The following MACF1 variants were observed in gnomAD, a reference collection of about 807,000 sequenced individuals.
The protein encoded by MACF1 is microtubule-actin cross-linking factor 1.
Under a neutral mutation model 854.8 loss-of-function variants are expected in MACF1, and 193 were observed. That is an observed-to-expected ratio of 0.23 (90% confidence interval 0.20 to 0.25). The LOEUF (loss-of-function observed/expected upper bound fraction) is 0.25, where lower values mean the gene tolerates loss of function less well. MACF1 is among the 10% of genes least tolerant of loss of function. The pLI, the probability that MACF1 is intolerant of heterozygous loss-of-function variation, is 1.00. For synonymous variants in MACF1, 3,185 were observed against 3,226.7 expected (o/e 0.99, Z 0.44); for missense variants, 7,722 against 8,929.1 (o/e 0.86, Z 5.45).
In MACF1 at chr1:39,305,559, T is replaced by C. The variant is rs1450702472; in HGVS notation, c.2789+2481T>C. ...ACATTTAGCTTTCTATGCACACATATATGCAAACACTTCTTCCGTTTTCCA... is the reference window on the plus strand; with the variant it reads ...ACATTTAGCTTTCTATGCACACATACATGCAAACACTTCTTCCGTTTTCCA... On this transcript the variant is annotated intron_variant, in intron 23 of 100. Coordinates refer to ENST00000564288, the MANE Select transcript of MACF1 (RefSeq NM_001394062.1). Among the ~76,000 whole-genome samples, 3 of 152,354 alleles carry C rather than the reference T, an allele frequency of 2.0e-5. No individual in the cohort carries two copies. In the East Asian group the frequency reaches 5.8e-4, roughly 29 times the overall value.
At chr1:39,419,953 C>T (rs1210548133) in intron 58 of MACF1, among the ~76,000 whole-genome samples, 2 of 152,166 alleles carry the variant, frequency 1.3e-5, no homozygotes, top group Admixed American at 1.3e-4. Flanking sequence ...CAGGCATGAG[C>T]CACTTGCCTA....
intron 35 of MACF1, among the ~76,000 whole-genome samples, chr1:39,326,535 G>C (rs913009922): frequency 6.6e-6 from 1 of 151,986 alleles, no homozygotes; most frequent in African/African-American, 2.4e-5. Flanking sequence ...ACAAAAATTA[G>C]CTGGGTGTGG....
intron 39 of MACF1, 38 bp downstream of exon 39, chr1:39,340,755 C>G (rs376994144): frequency 4.3e-5 from 70 of 1,612,104 alleles, no homozygotes; most frequent in Non-Finnish European, 4.5e-5. Flanking sequence ...CTCACAAAGT[C>G]TGGGTGGCTG....
chr1:39,257,003 T>G (rs573486500), intron 5 of MACF1, among the ~76,000 whole-genome samples: 1 of 152,060 alleles, frequency 6.6e-6, no homozygotes, highest in South Asian at 2.1e-4. Flanking sequence ...GAAAGCAAAA[T>G]GGCGTAGCTA....
chr1:39,211,659 G>T (rs950887829), intron 1 of MACF1, among the ~76,000 whole-genome samples: 6 of 152,064 alleles, frequency 3.9e-5, no homozygotes, highest in Non-Finnish European at 5.9e-5. Flanking sequence ...GAGGTGGGTG[G>T]ATCATGAGGT....
chr1:39,115,993 G>A (rs1460638824), intron 2 of MACF1, among the ~76,000 whole-genome samples: 2 of 152,222 alleles, frequency 1.3e-5, no homozygotes, highest in African/African-American at 4.8e-5. Flanking sequence ...TGCAGAAGAG[G>A]AGTCAGTGAC....
intron 2 of MACF1, among the ~76,000 whole-genome samples, chr1:39,244,305 G>A (rs187953966): frequency 1.3e-5 from 2 of 151,398 alleles, no homozygotes; most frequent in Non-Finnish European, 2.9e-5. Flanking sequence ...TTTTTGAGGT[G>A]GAGTCGTGCA....
intron 2 of MACF1, among the ~76,000 whole-genome samples, chr1:39,188,309 G>A (rs1644204319): frequency 6.6e-6 from 1 of 152,096 alleles, no homozygotes; most frequent in Non-Finnish European, 1.5e-5. Context: ...CATGGAGGCT[G>A]AGGTGGGCAG....
At chr1:39,145,519 C>CT (rs11426752) in intron 2 of MACF1, among the ~76,000 whole-genome samples, 40,003 of 151,264 alleles carry the variant, frequency 0.26, 5,511 homozygotes, top group African/African-American at 0.35. Flanking sequence ...ACTCTCTGTG[C>CT]TTTTTTTTTC....
At position 39,453,638 on chromosome 1, in the gene MACF1, T is replaced by C. The variant is rs1002625006; in HGVS notation, c.20743-69T>C. 8.2e-6 allele frequency: 11 copies of C among 1,347,384 alleles called. No homozygotes were observed. In the African/African-American group the frequency reaches 1.6e-4, roughly 19 times the overall value. 83.5% of individuals were successfully genotyped at this position (1,347,384 alleles called of 1,614,324 possible). Reference sequence around the variant, plus strand: ...AGAAAACATTGAAATTTATCCCCCCTCAGTGTAAACTAACAGTGCTGCTAA... The same window carrying C: ...AGAAAACATTGAAATTTATCCCCCCCCAGTGTAAACTAACAGTGCTGCTAA... On this transcript the variant is annotated intron_variant, in intron 87 of 100. Transcript: ENST00000564288.
chr1:39,121,558 T>C (rs1642712638), intron 2 of MACF1, among the ~76,000 whole-genome samples: 1 of 152,142 alleles, frequency 6.6e-6, no homozygotes, highest in African/African-American at 2.4e-5. Flanking sequence ...AAGTGATTCT[T>C]GTGCCTCAGC....
chr1:39,375,898 A>G (rs945847065), intron 52 of MACF1, among the ~76,000 whole-genome samples: 1 of 152,264 alleles, frequency 6.6e-6, no homozygotes, highest in Non-Finnish European at 1.5e-5. Context: ...CTATTATTAC[A>G]CAATTCTGCC....
chr1:39,340,639 T>G lies in MACF1; in HGVS notation c.10353T>G (p.Leu3451=), dbSNP rs1482207678. Residue 3451 remains leucine, a synonymous_variant, in exon 39 of 101, where the codon CTT becomes CTG. Coordinates refer to ENST00000564288, the MANE Select transcript of MACF1 (RefSeq NM_001394062.1). ...LKALEKDAKN[L]QKSLSSVSDT... ...CTCTAGAGAAAGATGCCAAGAATCT[T>G]CAGAAGTCTCTCAGCTCTGTGAGTG... 6.2e-7 allele frequency: 1 copy of G among 1,614,198 alleles called. No homozygotes were observed. The highest frequency in any genetic ancestry group is 1.7e-5 in the Admixed American group (1 of 60,028).
intron 57 of MACF1, among the ~76,000 whole-genome samples, chr1:39,386,513 C>T (rs1216761050): frequency 6.6e-6 from 1 of 151,866 alleles, no homozygotes; most frequent in Non-Finnish European, 1.5e-5. Flanking sequence ...ATCACTGCAA[C>T]CTCCGCCTCC....
chr1:39,333,764 T>C lies in MACF1; in HGVS notation c.7176T>C (p.Leu2392=). The stretch of plus-strand genomic sequence containing the variant: ...TAAAGGATGCAGTTACAGTTGGACT[T>C]CTTGACAAGGAAACAGCCACCAGAA... ...CSVKDAVTVG[L]LDKETATRIL... Residue 2392 remains leucine, a synonymous_variant, in exon 37 of 101, where the codon CTT becomes CTC. Coordinates refer to ENST00000564288, the MANE Select transcript of MACF1 (RefSeq NM_001394062.1). 1 of 1,614,182 alleles carries C rather than the reference T, an allele frequency of 6.2e-7. No individual in the cohort carries two copies. Among genetic ancestry groups the C allele is most frequent in the Non-Finnish European group, 8.5e-7 (1 of 1,180,026 alleles).
Position 39,393,396 on chromosome 1 carries a change from A to G in MACF1, c.15816+4738A>G, listed in dbSNP as rs949934143. 5.3e-5 allele frequency among the ~76,000 whole-genome samples: 8 copies of G among 151,778 alleles called. No homozygotes were observed. In the East Asian group the frequency reaches 9.7e-4, roughly 18 times the overall value. ...AAGTATTTGATGGTTTGGGCATCATACTGGTGAGCATTATCAAGAAACCTG... is the reference window on the plus strand; with the variant it reads ...AAGTATTTGATGGTTTGGGCATCATGCTGGTGAGCATTATCAAGAAACCTG... On this transcript the variant is annotated intron_variant, in intron 58 of 100. Coordinates refer to ENST00000564288, the MANE Select transcript of MACF1 (RefSeq NM_001394062.1).
chr1:39,322,817 C>T, intron 32 of MACF1, 93 bp from the exon 33 acceptor site: 1 of 1,474,656 alleles, frequency 6.8e-7, no homozygotes, highest in Non-Finnish European at 9.5e-7. Context: ...TTCTGGTGAA[C>T]ATGTGACTGC....
At chr1:39,341,035 C>CTT (rs1172169515) in intron 40 of MACF1, 82 bp downstream of exon 40, 5,796 of 915,118 alleles carry the variant, frequency 6.3e-3, no homozygotes, top group Middle Eastern at 7.2e-3. Flanking sequence ...CCATATTTAT[C>CTT]TTTTTTTTTT....
chr1:39,434,392 T>G, intron 68 of MACF1, 22 bp from the exon 69 acceptor site: 1 of 1,297,288 alleles, frequency 7.7e-7, no homozygotes, highest in Non-Finnish European at 1.0e-6. Context: ...TATCCTTTTT[T>G]TTTTTTTTTT....
Sources: allele counts gnomAD v4.1 joint callset (sites outside exome capture counted in the v4.1 genomes callset), GRCh38; gene constraint gnomAD v4.1.1; transcripts MANE v1.5; gene names NCBI Gene and HGNC (gene_info 2026-07-23, HGNC 2026-07-21).